Variants in STEAP1B observed in about 807,000 individuals in gnomAD.
STEAP1B encodes STEAP family member 1B, also known as STEAP family protein MGC87042.
STEAP1B carries 13 observed loss-of-function variants against 27.9 expected under a neutral mutation model. The observed-to-expected ratio is 0.47, with a 90% CI of 0.30 to 0.74. The LOEUF is 0.74. Ranked by LOEUF, STEAP1B falls within the 30% of genes least tolerant of loss-of-function variation. STEAP1B has a pLI of 0.06. For missense variants in STEAP1B, 250 were observed against 298.7 expected (o/e 0.84, Z 1.20); for synonymous variants, 86 against 107.1 (o/e 0.80, Z 1.22).
chr7:22,443,810 C>G (rs553278842), intron 4 of STEAP1B, among the ~76,000 whole-genome samples: 1 of 152,198 alleles, frequency 6.6e-6, no homozygotes, highest in Non-Finnish European at 1.5e-5. Flanking sequence ...CAGGCAAAAA[C>G]ACTTCCACTC....
chr7:22,434,951 C>G (rs756069514), intron 4 of STEAP1B, among the ~76,000 whole-genome samples: 1 of 152,178 alleles, frequency 6.6e-6, no homozygotes, highest in African/African-American at 2.4e-5. Context: ...TAAATCTATG[C>G]TGTCCAGTGG....
At chr7:22,456,752 G>A (rs1262137668) in intron 4 of STEAP1B, among the ~76,000 whole-genome samples, 4 of 151,504 alleles carry the variant, frequency 2.6e-5, no homozygotes, top group Non-Finnish European at 4.4e-5. Context: ...GAAGAAAAGA[G>A]AGTCTGGTTT....
intron 4 of STEAP1B, among the ~76,000 whole-genome samples, chr7:22,427,857 G>A (rs1171743323): frequency 2.0e-5 from 3 of 152,206 alleles, no homozygotes; most frequent in Non-Finnish European, 4.4e-5. Context: ...TACGAGTAGA[G>A]AAATAGTAGA....
intron 4 of STEAP1B, among the ~76,000 whole-genome samples, chr7:22,474,141 T>C (rs772579015): frequency 3.9e-5 from 6 of 152,330 alleles, no homozygotes; most frequent in Non-Finnish European, 5.9e-5. Flanking sequence ...ATATATCATA[T>C]ACCTACAAAT....
At chr7:22,426,031 A>C (rs1021206169) in intron 4 of STEAP1B, among the ~76,000 whole-genome samples, 2 of 152,188 alleles carry the variant, frequency 1.3e-5, no homozygotes, top group African/African-American at 4.8e-5. Flanking sequence ...GACTAGGAAC[A>C]TCTGTACCAT....
intron 4 of STEAP1B, among the ~76,000 whole-genome samples, chr7:22,433,963 T>G (rs1047516855): frequency 1.3e-5 from 2 of 152,168 alleles, no homozygotes; most frequent in African/African-American, 4.8e-5. Context: ...CCTACATCCA[T>G]TGGACCCATC....
intron 4 of STEAP1B, among the ~76,000 whole-genome samples, chr7:22,479,297 G>A (rs753380416): frequency 3.9e-5 from 6 of 152,144 alleles, no homozygotes; most frequent in African/African-American, 4.8e-5. Flanking sequence ...TGATGCCGGC[G>A]CTGCAAGGAG....
intron 4 of STEAP1B, among the ~76,000 whole-genome samples, chr7:22,439,935 A>T (rs1309775487): frequency 6.7e-6 from 1 of 149,614 alleles, no homozygotes. Flanking sequence ...GGGCGTACAC[A>T]TTTTCTGTTG....
intron 4 of STEAP1B, among the ~76,000 whole-genome samples, chr7:22,432,264 T>C (rs1166962248): frequency 6.6e-6 from 1 of 151,960 alleles, no homozygotes; most frequent in Non-Finnish European, 1.5e-5. Flanking sequence ...CTGGGCTGGA[T>C]GTGATGGCTC....
intron 4 of STEAP1B, among the ~76,000 whole-genome samples, chr7:22,428,104 G>A (rs772657189): frequency 1.2e-4 from 18 of 152,140 alleles, no homozygotes; most frequent in Admixed American, 6.5e-4. Flanking sequence ...CCAGACATAG[G>A]ATGGAATCTG....
rs552875972 is a variant in STEAP1B at position 22,464,458 on chromosome 7, T to A, written c.762+28107A>T. On this transcript the variant is annotated intron_variant, in intron 4 of 4. Transcript: ENST00000678116. ...AGTCTAGACACTGAGCTAGGGCCAATAAACAATACAAGGTGTTAAGGGCTG... is the reference window on the plus strand; with the variant it reads ...AGTCTAGACACTGAGCTAGGGCCAAAAAACAATACAAGGTGTTAAGGGCTG... 2.3e-3 allele frequency among the ~76,000 whole-genome samples: 345 copies of A among 152,266 alleles called. 1 individual carries two copies. The highest frequency in any genetic ancestry group is 3.7e-3 in the Non-Finnish European group (253 of 68,024).
chr7:22,462,968 T>C (rs1056066371), intron 4 of STEAP1B, among the ~76,000 whole-genome samples: 42 of 152,186 alleles, frequency 2.8e-4, no homozygotes, highest in African/African-American at 9.6e-4. Flanking sequence ...TGATTTGCAT[T>C]TCTCTGATGG....
chr7:22,494,929 T>A (rs1408698133), intron 1 of STEAP1B, 43 bp from the exon 2 acceptor site: 2 of 1,002,744 alleles, frequency 2.0e-6, no homozygotes, highest in Non-Finnish European at 2.9e-6. Flanking sequence ...ATTCTACTTA[T>A]GATGTGAATG....
chr7:22,426,422 A>T (rs1446908648), intron 4 of STEAP1B, among the ~76,000 whole-genome samples: 1 of 152,218 alleles, frequency 6.6e-6, no homozygotes. Context: ...ACTTGAGTGT[A>T]TTCACTCAGC....
intron 4 of STEAP1B, among the ~76,000 whole-genome samples, chr7:22,452,418 A>G (rs1018876910): frequency 4.0e-5 from 6 of 151,802 alleles, no homozygotes; most frequent in African/African-American, 1.5e-4. Context: ...TTGGCAGACA[A>G]TCCCCCCCCT....
At chr7:22,431,275 T>C (rs1171632319) in intron 4 of STEAP1B, among the ~76,000 whole-genome samples, 1 of 152,164 alleles carries the variant, frequency 6.6e-6, no homozygotes, top group African/African-American at 2.4e-5. Flanking sequence ...ACTCTCTTCA[T>C]GTTTGCAAAA....
At chr7:22,466,288 G>A (rs962415393) in intron 4 of STEAP1B, among the ~76,000 whole-genome samples, 2 of 152,102 alleles carry the variant, frequency 1.3e-5, no homozygotes, top group South Asian at 2.1e-4. Flanking sequence ...ATTGTGTGGC[G>A]TGGGGGTTTG....
chr7:22,467,517 C>G (rs1785805584), intron 4 of STEAP1B, among the ~76,000 whole-genome samples: 1 of 152,170 alleles, frequency 6.6e-6, no homozygotes, highest in Non-Finnish European at 1.5e-5. Flanking sequence ...CAAATTGTAG[C>G]TCCCATAATT....
chr7:22,498,598 G>A (rs547468604), intron 1 of STEAP1B, among the ~76,000 whole-genome samples: 1 of 152,188 alleles, frequency 6.6e-6, no homozygotes, highest in African/African-American at 2.4e-5. Context: ...AGTTAAATGA[G>A]ATAAAGCCTC....
Sources: gnomAD v4.1 joint callset for allele counts (sites outside exome capture counted in the v4.1 genomes callset) on GRCh38, gnomAD v4.1.1 for gene constraint, MANE v1.5 for transcripts, NCBI Gene and HGNC (gene_info 2026-07-23, HGNC 2026-07-21) for gene names.